The following PDE3B variants were observed in gnomAD, a reference collection of about 807,000 sequenced individuals.
PDE3B encodes the protein phosphodiesterase 3B, also known as cGMP-inhibited 3',5'-cyclic phosphodiesterase 3B.
In PDE3B, 66 loss-of-function variants were observed where a neutral mutation model predicts 116.8. The observed-to-expected ratio is 0.56, with a 90% confidence interval of 0.46 to 0.69. The LOEUF is 0.69. PDE3B is among the 30% of genes least tolerant of loss of function. The pLI is 0.00. For missense variants in PDE3B, 1,384 were observed against 1,368.1 expected (o/e 1.01, Z -0.18); for synonymous variants, 595 against 533.6 (o/e 1.12, Z -1.59).
the PDE3B span, among the ~76,000 whole-genome samples, chr11:14,885,151 A>T: frequency 6.6e-6 from 1 of 152,212 alleles, no homozygotes; most frequent in South Asian, 2.1e-4. Flanking sequence ...CAACTTTAGT[A>T]AAAATTCTTA....
chr11:14,695,037 T>C (rs766409101), intron 1 of PDE3B, among the ~76,000 whole-genome samples: 23 of 152,304 alleles, frequency 1.5e-4, no homozygotes, highest in Non-Finnish European at 3.1e-4. Context: ...AAGAAATCTT[T>C]GTTCACCCTT....
intron 7 of PDE3B, among the ~76,000 whole-genome samples, chr11:14,823,277 C>G (rs60479899): frequency 0.11 from 16,282 of 152,144 alleles, 919 homozygotes; most frequent in Middle Eastern, 0.17. Flanking sequence ...TCACATGGGT[C>G]CCAGATCTTA....
intron 14 of PDE3B, among the ~76,000 whole-genome samples, chr11:14,865,885 G>T (rs2133995120): frequency 6.6e-6 from 1 of 152,254 alleles, no homozygotes; most frequent in East Asian, 1.9e-4. Flanking sequence ...CACTAGTTCA[G>T]TGAGAGAACA....
At chr11:14,668,263 G>A (rs1038655511) in intron 1 of PDE3B, among the ~76,000 whole-genome samples, 2 of 152,086 alleles carry the variant, frequency 1.3e-5, no homozygotes, top group Non-Finnish European at 2.9e-5. Flanking sequence ...AGAAATACAT[G>A]TGGGCCTACA....
intron 1 of PDE3B, among the ~76,000 whole-genome samples, chr11:14,682,409 T>G (rs1243140871): frequency 1.3e-5 from 2 of 152,244 alleles, no homozygotes; most frequent in Non-Finnish European, 2.9e-5. Flanking sequence ...TGTGATATTA[T>G]ATTTTTTCCT....
the PDE3B span, among the ~76,000 whole-genome samples, chr11:14,895,558 T>C: frequency 6.6e-6 from 1 of 151,212 alleles, no homozygotes; most frequent in Non-Finnish European, 1.5e-5. Context: ...GATTACAAAA[T>C]GATGTGTAGA....
intron 1 of PDE3B, chr11:14,673,484 C>T: frequency 3.5e-6 from 1 of 286,464 alleles, no homozygotes; most frequent in South Asian, 4.5e-5. Flanking sequence ...TCAGTTGTTA[C>T]ACACTAACAT....
intron 10 of PDE3B, among the ~76,000 whole-genome samples, chr11:14,833,037 G>GC (rs1041354611): frequency 1.3e-5 from 2 of 151,178 alleles, no homozygotes; most frequent in African/African-American, 4.9e-5. Context: ...TGCAACCTCC[G>GC]CCCCCCACGT....
chr11:14,867,436 T>C, intron 14 of PDE3B, 70 bp from the exon 15 acceptor site: 1 of 1,373,004 alleles, frequency 7.3e-7, no homozygotes, highest in Non-Finnish European at 1.0e-6. Context: ...CTCAAGATAA[T>C]TTTAACAGCA....
At chr11:14,673,137 C>G (rs1025747304) in intron 1 of PDE3B, among the ~76,000 whole-genome samples, 2 of 151,248 alleles carry the variant, frequency 1.3e-5, no homozygotes, top group African/African-American at 4.9e-5. Context: ...GGATGACTTG[C>G]AAAGGATGGG....
chr11:14,878,277 C>T, the PDE3B span: 61 of 1,612,884 alleles, frequency 3.8e-5, no homozygotes, highest in Non-Finnish European at 5.2e-5. Context: ...GCCAAGTGTT[C>T]TCCAAGACAA....
intron 11 of PDE3B, 85 bp downstream of exon 11, chr11:14,835,180 G>T: frequency 1.2e-6 from 1 of 840,438 alleles, no homozygotes; most frequent in Non-Finnish European, 1.9e-6. Context: ...GTTCTTTTAA[G>T]TTTTTCATTA....
At chr11:14,830,957 AT>A in intron 8 of PDE3B, 111 bp downstream of exon 8, 1 of 568,536 alleles carries the variant, frequency 1.8e-6, no homozygotes, top group Non-Finnish European at 2.7e-6. Context: ...GTATTTTTTA[AT>A]TTTTTTACTT....
rs549963191 is a variant in PDE3B at position 14,739,249 on chromosome 11, T to G, written c.979-32688T>G. ...CCTAACCATGAGCGTGGAATGTGTT[T>G]CCATTTGTTTGTGTCCTCTCTTATT... On this transcript the variant is annotated intron_variant, in intron 1 of 15. Coordinates refer to ENST00000282096, the MANE Select transcript of PDE3B (RefSeq NM_000922.4). Among the ~76,000 whole-genome samples the G allele has an allele frequency of 2.6e-5, 4 of 152,340 alleles. No homozygotes were observed. The South Asian group carries it at 6.2e-4, about 24-fold the overall frequency.
At chr11:14,808,453 T>G (rs1437305709) in intron 5 of PDE3B, among the ~76,000 whole-genome samples, 1 of 152,226 alleles carries the variant, frequency 6.6e-6, no homozygotes, top group African/African-American at 2.4e-5. Context: ...AAATTATCCC[T>G]GAAGTGGATT....
chr11:14,824,035 C>T (rs11023344), intron 7 of PDE3B, among the ~76,000 whole-genome samples: 4,676 of 152,288 alleles, frequency 0.031, 96 homozygotes, highest in Middle Eastern at 0.071. Flanking sequence ...AGTCCATACC[C>T]GAGCACAGAG....
At chr11:14,877,567 G>A in the PDE3B span, 1 of 152,332 alleles carries the variant, frequency 6.6e-6, no homozygotes, top group Non-Finnish European at 1.5e-5. Flanking sequence ...GACAGAGCAG[G>A]AAGCAAGATA....
At chr11:14,739,957 T>C (rs1035263756) in intron 1 of PDE3B, among the ~76,000 whole-genome samples, 4 of 152,322 alleles carry the variant, frequency 2.6e-5, no homozygotes, top group Non-Finnish European at 5.9e-5. Context: ...TGAAGCTGGC[T>C]TGATTGTGGT....
At chr11:14,885,259 T>C in the PDE3B span, among the ~76,000 whole-genome samples, 4 of 152,164 alleles carry the variant, frequency 2.6e-5, no homozygotes, top group Non-Finnish European at 5.9e-5. Flanking sequence ...ACTTTCAGTC[T>C]TTCCCCCTTG....
Sources: gnomAD v4.1 joint callset for allele counts (sites outside exome capture counted in the v4.1 genomes callset) on GRCh38, gnomAD v4.1.1 for gene constraint, MANE v1.5 for transcripts, NCBI Gene and HGNC (gene_info 2026-07-23, HGNC 2026-07-21) for gene names.